Variants in ATRX observed in about 807,000 individuals in gnomAD.
ATRX encodes the protein ATRX chromatin remodeler, also known as chromatin remodeler ATRX.
A neutral mutation model predicts 172.6 loss-of-function variants in ATRX; 12 were observed. That is an observed-to-expected ratio of 0.07 (90% CI 0.04 to 0.11). ATRX has a LOEUF of 0.11. Among genes scored for constraint, ATRX ranks in the 10% least tolerant of loss-of-function variants. ATRX has a pLI of 1.00. For synonymous variants in ATRX, 674 were observed against 594.7 expected (o/e 1.13, Z -1.94); for missense variants, 1,368 against 1,767.4 (o/e 0.77, Z 4.05).
chrX:77,663,269 A>C (rs981655288), intron 12 of ATRX, 113 bp downstream of exon 12: 26 of 869,963 alleles, frequency 3.0e-5, no homozygotes, highest in African/African-American at 8.0e-5. Flanking sequence ...CTGGTCTTAA[A>C]CTCCTGGGCT....
intron 30 of ATRX, among the ~76,000 whole-genome samples, chrX:77,524,722 C>T (rs1445422171): frequency 5.5e-5 from 6 of 109,030 alleles, no homozygotes; most frequent in Admixed American, 3.0e-4. Context: ...TTAATAGATA[C>T]AACCATAATA....
chrX:77,541,093 A>G, intron 30 of ATRX, among the ~76,000 whole-genome samples: 1 of 112,063 alleles, frequency 8.9e-6, no homozygotes, highest in Non-Finnish European at 1.9e-5. Flanking sequence ...AGAAGAAAGG[A>G]GAGAAGAATC....
intron 4 of ATRX, among the ~76,000 whole-genome samples, chrX:77,697,134 G>C (rs1426985755): frequency 1.8e-5 from 2 of 111,641 alleles, no homozygotes; most frequent in African/African-American, 6.5e-5. Context: ...TGTATGACTT[G>C]AGTTGACAAT....
In ATRX at chrX:77,586,787, G is replaced by A. The variant is rs188865256; in HGVS notation, c.6217+3047C>T. On this transcript the variant is annotated intron_variant, in intron 27 of 34. Transcript: ENST00000373344. ...AATGTTGAAAAATTAGGCCAGGTGT[G>A]GTAGCTCACGCCTGTAATCCCAGTG... Among the ~76,000 whole-genome samples, 6 of 111,778 alleles carry A rather than the reference G, an allele frequency of 5.4e-5. No homozygotes were observed. In the South Asian group the frequency reaches 1.9e-3, roughly 35 times the overall value.
At chrX:77,672,140 A>G (rs1352569205) in intron 10 of ATRX, among the ~76,000 whole-genome samples, 37 of 111,761 alleles carry the variant, frequency 3.3e-4, no homozygotes, top group African/African-American at 1.2e-3. Context: ...AACAAGTAAA[A>G]TACTTAATTT....
intron 15 of ATRX, among the ~76,000 whole-genome samples, chrX:77,643,772 G>A (rs1162250526): frequency 1.8e-5 from 2 of 110,785 alleles, no homozygotes; most frequent in Non-Finnish European, 3.8e-5. Context: ...AATTCAGAAA[G>A]CCATATGTGT....
chrX:77,709,048 C>T (rs2148719606), intron 2 of ATRX, among the ~76,000 whole-genome samples: 2 of 111,412 alleles, frequency 1.8e-5, no homozygotes, highest in South Asian at 7.5e-4. Flanking sequence ...CTCTACAGAA[C>T]ATTAAAAAAT....
intron 30 of ATRX, among the ~76,000 whole-genome samples, chrX:77,537,707 A>T (rs973485246): frequency 4.5e-5 from 5 of 110,902 alleles, no homozygotes; most frequent in Admixed American, 2.9e-4. Flanking sequence ...GGTGTTTTAC[A>T]CCCTAACCAA....
rs1170818041 is a variant in ATRX, at chrX:77,780,384, T to C, written c.20+5598A>G. Among the ~76,000 whole-genome samples the C allele has an allele frequency of 2.7e-5, 3 of 110,965 alleles. No homozygotes were observed. In the South Asian group the frequency reaches 1.2e-3, roughly 44 times the overall value. On this transcript the variant is annotated intron_variant, in intron 1 of 34. Coordinates refer to ENST00000373344, the MANE Select transcript of ATRX (RefSeq NM_000489.6). ...TCTCACCCTGTCGCCCAGGCTGCAG[T>C]GGCGCAATCTCAGCTCACTGCAACC...
intron 1 of ATRX, among the ~76,000 whole-genome samples, chrX:77,724,052 G>GCAGATCA (rs1366446333): frequency 4.5e-5 from 5 of 111,198 alleles, no homozygotes; most frequent in Non-Finnish European, 9.4e-5. Flanking sequence ...AGCTAGACAG[G>GCAGATCA]CAGATCACTT....
chrX:77,585,110 C>T (rs2065958014), intron 27 of ATRX, among the ~76,000 whole-genome samples: 4 of 111,227 alleles, frequency 3.6e-5, no homozygotes, highest in African/African-American at 1.3e-4. Context: ...GATATCTTCC[C>T]ACCCCAGTTA....
At chrX:77,577,119 C>A (rs1207956940) in intron 27 of ATRX, among the ~76,000 whole-genome samples, 1 of 111,625 alleles carries the variant, frequency 9.0e-6, no homozygotes, top group Admixed American at 9.5e-5. Context: ...GAACTCAATT[C>A]TTGTGGGTAT....
chrX:77,634,017 G>A (rs1045973682), intron 17 of ATRX, among the ~76,000 whole-genome samples: 1 of 109,588 alleles, frequency 9.1e-6, no homozygotes, highest in Non-Finnish European at 1.9e-5. Context: ...AAATACCATC[G>A]CTCATTTAGA....
At chrX:77,663,311 T>A (rs2148485905) in intron 12 of ATRX, 71 bp downstream of exon 12, 1 of 1,149,753 alleles carries the variant, frequency 8.7e-7, no homozygotes, top group Non-Finnish European at 1.2e-6. Context: ...CTTCCCAAAG[T>A]GCTAGGATTA....
chrX:77,520,711 T>C (rs1249376824), intron 34 of ATRX, 77 bp downstream of exon 34: 16 of 1,047,748 alleles, frequency 1.5e-5, no homozygotes, highest in Admixed American at 4.6e-5. Context: ...ATTACTGACG[T>C]AGATGTCATA....
At chrX:77,758,308 T>G (rs1326299614) in intron 1 of ATRX, among the ~76,000 whole-genome samples, 1 of 107,950 alleles carries the variant, frequency 9.3e-6, no homozygotes, top group Non-Finnish European at 1.9e-5. Context: ...GAGAATCGCT[T>G]GAACCCGGGA....
At chrX:77,645,226 T>A (rs2068852257) in intron 15 of ATRX, among the ~76,000 whole-genome samples, 1 of 111,599 alleles carries the variant, frequency 9.0e-6, no homozygotes, top group African/African-American at 3.3e-5. Context: ...GCTTACTGTA[T>A]CCTCGAACCC....
At chrX:77,721,026 G>A (rs899252157) in intron 1 of ATRX, among the ~76,000 whole-genome samples, 6 of 111,740 alleles carry the variant, frequency 5.4e-5, no homozygotes, top group South Asian at 3.7e-4. Context: ...TTCAACATAC[G>A]CAAATCAATA....
chrX:77,645,336 A>G (rs1411990110), intron 15 of ATRX, among the ~76,000 whole-genome samples: 4 of 111,382 alleles, frequency 3.6e-5, no homozygotes, highest in African/African-American at 1.3e-4. Flanking sequence ...ACAAGGTCTC[A>G]CTATGTTGCC....
Sources: gnomAD v4.1 joint callset for allele counts (sites outside exome capture counted in the v4.1 genomes callset) on GRCh38, gnomAD v4.1.1 for gene constraint, MANE v1.5 for transcripts, NCBI Gene and HGNC (gene_info 2026-07-23, HGNC 2026-07-21) for gene names.